Variants in RNF217 observed in about 807,000 individuals in gnomAD.
The protein encoded by RNF217 is ring finger protein 217, also known as E3 ubiquitin-protein ligase RNF217.
A neutral mutation model predicts 57.8 loss-of-function variants in RNF217; 31 were observed. The ratio of observed to expected loss-of-function variants is 0.54; its 90% CI spans 0.40 to 0.72. The LOEUF (loss-of-function observed/expected upper bound fraction) is 0.72. RNF217 is among the 30% of genes least tolerant of loss of function. The pLI, the probability that RNF217 is intolerant of heterozygous loss-of-function variation, is 0.00. For missense variants in RNF217, 696 were observed against 708.3 expected, an observed-to-expected ratio of 0.98 and a Z score of 0.20; for synonymous variants, 313 against 294.0, an observed-to-expected ratio of 1.06 and a Z score of -0.66.
chr6:125,041,661 G>C (rs573842486), intron 1 of RNF217, among the ~76,000 whole-genome samples: 6 of 151,978 alleles, frequency 3.9e-5, no homozygotes, highest in Non-Finnish European at 8.8e-5. Context: ...AGGCCTTTCA[G>C]TTCTCAACTC....
chr6:125,009,473 G>T, intron 1 of RNF217: 2 of 412,260 alleles, frequency 4.9e-6, no homozygotes, highest in Non-Finnish European at 4.3e-6. Context: ...TAAGAAGGCA[G>T]AAAAAAAAAA....
At chr6:124,970,057 A>G (rs1783704263) in intron 1 of RNF217, among the ~76,000 whole-genome samples, 1 of 152,170 alleles carries the variant, frequency 6.6e-6, no homozygotes. Flanking sequence ...TAGAGAATGA[A>G]GTGGGTAGTG....
intron 2 of RNF217, among the ~76,000 whole-genome samples, chr6:125,052,326 A>ATTTGTTTTGT (rs557558665): frequency 0.048 from 6,238 of 129,818 alleles, 460 homozygotes; most frequent in African/African-American, 0.17. Flanking sequence ...GTGTGGTTTT[A>ATTTGTTTTGT]TTTGTTTTGT....
chr6:125,034,430 C>T (rs1786510813), intron 1 of RNF217, among the ~76,000 whole-genome samples: 2 of 152,252 alleles, frequency 1.3e-5, no homozygotes, highest in East Asian at 1.9e-4. Flanking sequence ...CCAGTTTTCC[C>T]AGCACCATTT....
intron 2 of RNF217, among the ~76,000 whole-genome samples, chr6:125,052,071 C>CT (rs1787339158): frequency 1.3e-5 from 2 of 151,924 alleles, no homozygotes; most frequent in South Asian, 2.1e-4. Flanking sequence ...GGAGAGAGTA[C>CT]TTTTTCAAAC....
intron 3 of RNF217, among the ~76,000 whole-genome samples, chr6:125,059,315 T>C (rs1452473698): frequency 2.0e-5 from 3 of 152,194 alleles, no homozygotes; most frequent in Non-Finnish European, 4.4e-5. Flanking sequence ...CATTTTGTTT[T>C]AGAGCTATTT....
At chr6:125,051,457 C>A (rs1787313152) in intron 2 of RNF217, among the ~76,000 whole-genome samples, 1 of 151,934 alleles carries the variant, frequency 6.6e-6, no homozygotes, top group African/African-American at 2.4e-5. Flanking sequence ...CTCTGTGCTA[C>A]TACCTTTCCA....
intron 1 of RNF217, among the ~76,000 whole-genome samples, chr6:124,976,244 T>G (rs1783952165): frequency 6.6e-6 from 1 of 150,390 alleles, no homozygotes; most frequent in South Asian, 2.2e-4. Flanking sequence ...GTTTCTTCCC[T>G]CCCTCACTCC....
chr6:124,993,648 A>C (rs529750395), intron 1 of RNF217, among the ~76,000 whole-genome samples: 1 of 152,198 alleles, frequency 6.6e-6, no homozygotes, highest in African/African-American at 2.4e-5. Flanking sequence ...CTTACAGTGT[A>C]GTAGGTGCTA....
chr6:125,016,896 C>T (rs1024723758), intron 1 of RNF217, among the ~76,000 whole-genome samples: 10 of 151,986 alleles, frequency 6.6e-5, no homozygotes, highest in African/African-American at 9.7e-5. Context: ...CAATCCTGCA[C>T]GTTCTGCACA....
chr6:124,967,207 A>C (rs1305340792), intron 1 of RNF217, among the ~76,000 whole-genome samples: 1 of 152,240 alleles, frequency 6.6e-6, no homozygotes, highest in Non-Finnish European at 1.5e-5. Context: ...ATATGGCTAA[A>C]GTACGTAGTC....
At chr6:125,043,093 G>C (rs1375947496) in intron 1 of RNF217, among the ~76,000 whole-genome samples, 2 of 152,010 alleles carry the variant, frequency 1.3e-5, no homozygotes, top group Non-Finnish European at 2.9e-5. Context: ...GGTCCTAGCT[G>C]GTTCATCTTT....
intron 1 of RNF217, among the ~76,000 whole-genome samples, chr6:125,031,059 G>C (rs1024389138): frequency 6.6e-6 from 1 of 152,214 alleles, no homozygotes; most frequent in East Asian, 1.9e-4. Context: ...AGCTGTCAAG[G>C]TTTGGAGCTT....
chr6:124,999,988 A>G (rs1784914278), intron 1 of RNF217, among the ~76,000 whole-genome samples: 1 of 152,208 alleles, frequency 6.6e-6, no homozygotes, highest in Non-Finnish European at 1.5e-5. Context: ...CTGAAACTAA[A>G]TTAGTGTAAC....
chr6:125,077,714 T>G (rs1404927747), intron 4 of RNF217, among the ~76,000 whole-genome samples: 1 of 152,214 alleles, frequency 6.6e-6, no homozygotes, highest in Non-Finnish European at 1.5e-5. Flanking sequence ...TTTCATCACA[T>G]GGATGTCTGT....
At chr6:124,963,475 G>C in intron 1 of RNF217, 49 bp downstream of exon 1, 1 of 1,431,972 alleles carries the variant, frequency 7.0e-7, no homozygotes, top group Non-Finnish European at 9.1e-7. Context: ...AATCACTGGC[G>C]AGGAGGTCCT....
chr6:125,051,320 T>C (rs1787307775), intron 2 of RNF217, among the ~76,000 whole-genome samples: 1 of 151,968 alleles, frequency 6.6e-6, no homozygotes. Context: ...AAGTGAAGAA[T>C]CGTCTCTCTC....
intron 1 of RNF217, among the ~76,000 whole-genome samples, chr6:124,990,970 G>A (rs1784538969): frequency 1.3e-5 from 2 of 152,290 alleles, no homozygotes; most frequent in South Asian, 2.1e-4. Flanking sequence ...CCGAGAGGGA[G>A]GTGGGAAGAT....
rs185694850 is a variant in RNF217 at position 125,026,772 on chromosome 6, G to A, written c.883-18439G>A. On this transcript the variant is annotated intron_variant, in intron 1 of 5. Coordinates refer to ENST00000521654, the MANE Select transcript of RNF217 (RefSeq NM_001286398.3). Reference sequence around the variant, plus strand: ...GCTTCCCTGTGTGACTCTTGACCCTGTGGAAGACAAGTGGGGTGTGAAATC... The same window carrying A: ...GCTTCCCTGTGTGACTCTTGACCCTATGGAAGACAAGTGGGGTGTGAAATC... 1.2e-4 allele frequency among the ~76,000 whole-genome samples: 18 copies of A among 152,230 alleles called. No individual in the cohort carries two copies. The East Asian group carries it at 3.5e-3, about 29-fold the overall frequency.
Sources: gnomAD v4.1 joint callset for allele counts (sites outside exome capture counted in the v4.1 genomes callset) on GRCh38, gnomAD v4.1.1 for gene constraint, MANE v1.5 for transcripts, NCBI Gene and HGNC (gene_info 2026-07-23, HGNC 2026-07-21) for gene names.